Variants in KHDRBS1 observed in about 807,000 individuals in gnomAD.
The protein encoded by KHDRBS1 is KH RNA binding domain containing, signal transduction associated 1, also known as KH domain-containing, RNA-binding, signal transduction-associated protein 1.
A neutral mutation model predicts 48.4 loss-of-function variants in KHDRBS1; 7 were observed. The ratio of observed to expected loss-of-function variants is 0.14; its 90% CI spans 0.08 to 0.27. The LOEUF is 0.27. Among genes scored for constraint, KHDRBS1 ranks in the 10% least tolerant of loss-of-function variants. KHDRBS1 has a pLI of 1.00. For missense variants in KHDRBS1, 458 were observed against 601.2 expected (o/e 0.76, Z 2.49); for synonymous variants, 241 against 235.8 (o/e 1.02, Z -0.20).
chr1:32,058,030 A>T (rs1639499911), intron 10 of KHDRBS1, among the ~76,000 whole-genome samples: 1 of 151,472 alleles, frequency 6.6e-6, no homozygotes, highest in Non-Finnish European at 1.5e-5. Context: ...AGGCAGGAAG[A>T]TTGCTTGAAC....
At position 32,031,384 on chromosome 1, in the gene KHDRBS1, A is replaced by G. The variant is rs58430927; in HGVS notation, c.508-140A>G. 4.3e-3 allele frequency: 2,604 copies of G among 609,162 alleles called. 68 individuals carry two copies. The African/African-American group carries it at 0.043, about 10-fold the overall frequency. 37.7% of individuals were successfully genotyped at this position (609,162 alleles called of 1,614,324 possible). A position where few individuals can be genotyped will look rare whatever the true frequency, so the allele number is the denominator to read the frequency against. ...ACCTTAAGCTAATCACTTTATTAAT[A>G]TGGCTTCAGTGTCCTTCAGTAAAAT... is the stretch of plus-strand genomic sequence containing the variant. On this transcript the variant is annotated intron_variant, in intron 2 of 8. Coordinates refer to ENST00000327300, the MANE Select transcript of KHDRBS1 (RefSeq NM_006559.3).
At chr1:32,055,442 C>G (rs1015774393) in intron 10 of KHDRBS1, among the ~76,000 whole-genome samples, 13 of 152,112 alleles carry the variant, frequency 8.5e-5, no homozygotes, top group African/African-American at 3.1e-4. Flanking sequence ...GAATAAGACT[C>G]CGTCTCCAAA....
chr1:32,035,044 A>G (rs1385895307), intron 4 of KHDRBS1, among the ~76,000 whole-genome samples: 1 of 151,694 alleles, frequency 6.6e-6, no homozygotes, highest in Admixed American at 6.6e-5. Flanking sequence ...AGAGAAAAAC[A>G]CAGCTGGTTA....
chr1:32,057,651 T>G (rs1639495104), intron 10 of KHDRBS1, among the ~76,000 whole-genome samples: 1 of 149,320 alleles, frequency 6.7e-6, no homozygotes, highest in Non-Finnish European at 1.5e-5. Context: ...TACAAAAAAT[T>G]AGCTGGGCAT....
At chr1:32,044,825 C>T (rs1295225924), downstream of KHDRBS1, among the ~76,000 whole-genome samples, 1 of 152,110 alleles carries the variant, frequency 6.6e-6, no homozygotes. Context: ...CCAAAGGTAA[C>T]CTAAATGTCT....
intron 1 of KHDRBS1, among the ~76,000 whole-genome samples, chr1:32,015,023 A>G (rs1339386764): frequency 2.6e-5 from 4 of 152,194 alleles, no homozygotes; most frequent in Admixed American, 2.0e-4. Flanking sequence ...GAGCCATTTT[A>G]CACCGTGTGT....
chr1:32,017,574 GT>G (rs1638767153), intron 1 of KHDRBS1, among the ~76,000 whole-genome samples: 1 of 137,666 alleles, frequency 7.3e-6, no homozygotes, highest in Non-Finnish European at 1.6e-5. Flanking sequence ...AAATGCTGTT[GT>G]ATAGATACCA....
chr1:32,031,670 A>T (rs952602016), intron 3 of KHDRBS1, 30 bp downstream of exon 3: 8 of 1,376,892 alleles, frequency 5.8e-6, no homozygotes, highest in Non-Finnish European at 8.1e-6. Context: ...GCAAGAGGAC[A>T]TCCTAATGCC....
intron 10 of KHDRBS1, among the ~76,000 whole-genome samples, chr1:32,059,622 G>C (rs992214254): frequency 9.9e-5 from 15 of 152,008 alleles, no homozygotes; most frequent in African/African-American, 3.4e-4. Flanking sequence ...CTGTGCCGCA[G>C]ATTTAAGATG....
chr1:32,023,219 TG>T (rs899752015), intron 1 of KHDRBS1, among the ~76,000 whole-genome samples: 3 of 151,678 alleles, frequency 2.0e-5, no homozygotes, highest in African/African-American at 7.3e-5. Flanking sequence ...AAAACAAAAG[TG>T]GGGGGTGGGA....
At chr1:32,031,832 G>A (rs780873772) in intron 3 of KHDRBS1, among the ~76,000 whole-genome samples, 192 bp downstream of exon 3, 1 of 152,316 alleles carries the variant, frequency 6.6e-6, no homozygotes, top group African/African-American at 2.4e-5. Context: ...AAGAGCCTAG[G>A]TGTGCCCTGG....
intron 1 of KHDRBS1, among the ~76,000 whole-genome samples, chr1:32,027,745 C>T (rs1639003513): frequency 1.3e-5 from 2 of 152,272 alleles, no homozygotes; most frequent in East Asian, 3.9e-4. Flanking sequence ...TCTAAATTCT[C>T]TAAGGCATGT....
chr1:32,031,683 C>T, intron 3 of KHDRBS1, 43 bp downstream of exon 3: 4 of 1,265,454 alleles, frequency 3.2e-6, no homozygotes, highest in Non-Finnish European at 4.5e-6. Flanking sequence ...CTAATGCCTT[C>T]TACTTGCCCA....
At chr1:32,036,577 CTA>C (rs1639188244) in intron 4 of KHDRBS1, among the ~76,000 whole-genome samples, 1 of 152,104 alleles carries the variant, frequency 6.6e-6, no homozygotes, top group Admixed American at 6.5e-5. Context: ...GAAAAGGAAA[CTA>C]TTTGCAAAGA....
At chr1:32,016,613 C>T (rs1364969157) in intron 1 of KHDRBS1, among the ~76,000 whole-genome samples, 1 of 152,112 alleles carries the variant, frequency 6.6e-6, no homozygotes, top group African/African-American at 2.4e-5. Flanking sequence ...GAGTCTACTG[C>T]TTGGGACTGT....
In KHDRBS1 at chr1:32,041,583, C is replaced by CTTTTT. The variant is rs370173805; in HGVS notation, c.1235-924_1235-920dup. ...TTAAGAAAGGAGATAAGGAATTATCCTTTTTTTTTTTTTTTTTTTTTTTTG... is the reference window on the plus strand; with the variant it reads ...TTAAGAAAGGAGATAAGGAATTATCCTTTTTTTTTTTTTTTTTTTTTTTTTTTTTG... On this transcript the variant is annotated intron_variant, in intron 8 of 8. Coordinates refer to ENST00000327300, the MANE Select transcript of KHDRBS1 (RefSeq NM_006559.3). Among the ~76,000 whole-genome samples the CTTTTT allele has an allele frequency of 4.8e-4, 36 of 75,598 alleles. 2 individuals carry two copies. Among genetic ancestry groups the CTTTTT allele is most frequent in the Admixed American group, 8.1e-4 (4 of 4,910 alleles). 49.6% of individuals were successfully genotyped at this position (75,598 alleles called of 152,430 possible).
Position 32,031,748 on chromosome 1 carries a change from T to A in KHDRBS1, c.624+108T>A, listed in dbSNP as rs559835305. The A allele has an allele frequency of 2.4e-5, 15 of 633,448 alleles. No individual in the cohort carries two copies. In the East Asian group the frequency reaches 4.2e-4, roughly 18 times the overall value. 39.2% of individuals were successfully genotyped at this position (633,448 alleles called of 1,614,324 possible). On this transcript the variant is annotated intron_variant, in intron 3 of 8. Transcript: ENST00000327300. Reference sequence around the variant, plus strand: ...GCAAGAATTTTGTATGTGTACAGAATGTGGCTCCTTTAAGTTTGCACTGGA... The same window carrying A: ...GCAAGAATTTTGTATGTGTACAGAAAGTGGCTCCTTTAAGTTTGCACTGGA...
intron 1 of KHDRBS1, among the ~76,000 whole-genome samples, chr1:32,027,849 A>G (rs2124371722): frequency 6.6e-6 from 1 of 152,316 alleles, no homozygotes; most frequent in South Asian, 2.1e-4. Flanking sequence ...ACGGTGGCTC[A>G]CATCTGTAAT....
exon 11 of KHDRBS1, chr1:32,060,343 A>T (rs1296345440): frequency 6.6e-6 from 1 of 152,196 alleles, no homozygotes; most frequent in Non-Finnish European, 1.5e-5. Flanking sequence ...TAGGCCCAGA[A>T]TGGAGTCCTC....
Sources: gnomAD v4.1 joint callset for allele counts (sites outside exome capture counted in the v4.1 genomes callset) on GRCh38, gnomAD v4.1.1 for gene constraint, MANE v1.5 for transcripts, NCBI Gene and HGNC (gene_info 2026-07-23, HGNC 2026-07-21) for gene names.